Variants in HPS3 observed in about 807,000 individuals in gnomAD.
The protein encoded by HPS3 is BLOC-2 complex member HPS3.
HPS3 carries 79 observed loss-of-function variants against 110.9 expected under a neutral mutation model. The observed-to-expected ratio is 0.71, with a 90% CI of 0.59 to 0.86. HPS3 has a LOEUF of 0.86. Among genes scored for constraint, HPS3 ranks in the 40% least tolerant of loss-of-function variants. The probability of loss-of-function intolerance (pLI) is 0.00; values close to 1 mark genes in which losing one functional copy is unlikely to be tolerated. For missense variants in HPS3, 1,197 were observed against 1,206.2 expected, an observed-to-expected ratio of 0.99 and a Z score of 0.11; for synonymous variants, 428 against 451.0, an observed-to-expected ratio of 0.95 and a Z score of 0.65.
intron 5 of HPS3, among the ~76,000 whole-genome samples, chr3:149,148,559 T>C (rs891791893): frequency 1.3e-5 from 2 of 151,702 alleles, no homozygotes; most frequent in Non-Finnish European, 2.9e-5. Flanking sequence ...CCCATCACCA[T>C]GCCCGGCTAA....
chr3:149,140,718 A>G (rs868067117), intron 2 of HPS3, among the ~76,000 whole-genome samples: 4 of 152,210 alleles, frequency 2.6e-5, no homozygotes, highest in Admixed American at 1.3e-4. Context: ...AACCACTGCT[A>G]GATGAGGGGC....
chr3:149,133,731 G>A (rs1236119564), intron 1 of HPS3, among the ~76,000 whole-genome samples: 1 of 152,088 alleles, frequency 6.6e-6, no homozygotes, highest in African/African-American at 2.4e-5. Context: ...TTAAAGGCTT[G>A]GATGATCGTT....
chr3:149,143,254 C>G (rs1722590714), intron 4 of HPS3, among the ~76,000 whole-genome samples: 1 of 152,194 alleles, frequency 6.6e-6, no homozygotes. Flanking sequence ...AGTGGCCTTT[C>G]CCTCTTCCTT....
rs1178729691 is a variant in HPS3 at position 149,163,966 on chromosome 3, C to T, written c.2589+17C>T. ...AAATTACAGGTAAGTAAAAATACCT[C>T]CTTTTCTTATGAAATTGCATATTAC... On this transcript the variant is annotated intron_variant, in intron 14 of 16. Transcript: ENST00000296051. The T allele has an allele frequency of 1.7e-6, 2 of 1,203,734 alleles. No homozygotes were observed. The highest frequency in any genetic ancestry group is 2.5e-6 in the Non-Finnish European group (2 of 807,652). The allele number at this position is 1,203,734 out of a possible 1,614,324, so 74.6% of individuals were successfully genotyped here.
At chr3:149,146,004 A>T (rs1053798458) in intron 5 of HPS3, among the ~76,000 whole-genome samples, 5 of 152,172 alleles carry the variant, frequency 3.3e-5, no homozygotes, top group African/African-American at 9.7e-5. Context: ...ACAGATAGGG[A>T]AGTTGTTACA....
intron 6 of HPS3, among the ~76,000 whole-genome samples, chr3:149,152,535 A>ACCAGTTCTGAAGCCCTAGGTG (rs1409410877): frequency 1.3e-5 from 2 of 152,162 alleles, no homozygotes; most frequent in East Asian, 3.9e-4. Context: ...CTGGGACTCC[A>ACCAGTTCTGAAGCCCTAGGTG]CCAGTTCTGA....
In HPS3 at chr3:149,129,919, C is replaced by T. The variant is rs529838933; in HGVS notation, c.196C>T (p.Arg66Cys). ...CTTCTCCACGCTGGGCCGGGTGTTGCGCCTGGCCTACAGCGAGGCTGGTGA... is the reference window on the plus strand; with the variant it reads ...CTTCTCCACGCTGGGCCGGGTGTTGTGCCTGGCCTACAGCGAGGCTGGTGA... ...CAFSTLGRVL[R>C]LAYSEAGDYL... Residue 66 changes from arginine (R) to cysteine (C), a missense_variant, in exon 1 of 17, where the codon CGC (arginine) becomes TGC (cysteine). Coordinates refer to ENST00000296051, the MANE Select transcript of HPS3 (RefSeq NM_032383.5). The T allele has an allele frequency of 6.0e-5, 93 of 1,559,896 alleles. No homozygotes were observed. In the African/African-American group the frequency reaches 1.0e-3, roughly 17 times the overall value.
At chr3:149,158,581 A>G in intron 9 of HPS3, 85 bp from the exon 10 acceptor site, 1 of 1,227,954 alleles carries the variant, frequency 8.1e-7, no homozygotes, top group Non-Finnish European at 1.2e-6. Flanking sequence ...TGAGGTCAGG[A>G]GTTTGAAATC....
At chr3:149,171,399 G>A (rs997682940) in intron 16 of HPS3, among the ~76,000 whole-genome samples, 4 of 151,496 alleles carry the variant, frequency 2.6e-5, no homozygotes, top group African/African-American at 4.9e-5. Context: ...GAACTAATAC[G>A]GGAAAACATT....
chr3:149,129,997 A>G, intron 1 of HPS3, 57 bp downstream of exon 1: 2 of 1,459,128 alleles, frequency 1.4e-6, no homozygotes, highest in Non-Finnish European at 1.9e-6. Context: ...CCTCCTAGCT[A>G]GCGGACCGAA....
At chr3:149,153,918 T>C in intron 7 of HPS3, 1 of 458,786 alleles carries the variant, frequency 2.2e-6, no homozygotes, top group Non-Finnish European at 3.9e-6. Context: ...CATGCTTTTC[T>C]GTGTAATTAA....
At position 149,172,230 on chromosome 3, in the gene HPS3, A is replaced by G; in HGVS notation, c.*8A>G. On this transcript the variant is annotated 3_prime_UTR_variant, in exon 17 of 17. Coordinates refer to ENST00000296051, the MANE Select transcript of HPS3 (RefSeq NM_032383.5). Reference sequence around the variant, plus strand: ...AAGAAACCATTGACTTAAAGGTATCATTTGAAAAATACCATAATGGCATTT... The same window carrying G: ...AAGAAACCATTGACTTAAAGGTATCGTTTGAAAAATACCATAATGGCATTT... The G allele has an allele frequency of 2.5e-6, 4 of 1,609,178 alleles. No individual in the cohort carries two copies. Among genetic ancestry groups the G allele is most frequent in the South Asian group, 1.1e-5 (1 of 90,906 alleles).
chr3:149,141,130 T>TA lies in HPS3; in HGVS notation c.826_827insA (p.Ser276TyrfsTer6), dbSNP rs763914859. Reference sequence around the variant, plus strand: ...GTCTGGATTATCTGTTACACTGGAGTCTACGGGATTAGCTGATGAAAAAAG... The same window carrying TA: ...GTCTGGATTATCTGTTACACTGGAGTACTACGGGATTAGCTGATGAAAAAAG... On this transcript the variant is annotated frameshift_variant, in exon 3 of 17. Coordinates refer to ENST00000296051, the MANE Select transcript of HPS3 (RefSeq NM_032383.5). LOFTEE classifies it high-confidence loss of function. 29 of 1,613,202 alleles carry TA rather than the reference T, an allele frequency of 1.8e-5. No homozygotes were observed. In the South Asian group the frequency reaches 3.2e-4, roughly 18 times the overall value.
chr3:149,134,377 A>T (rs192329271), intron 1 of HPS3, among the ~76,000 whole-genome samples: 3,270 of 151,458 alleles, frequency 0.022, 70 homozygotes, highest in Middle Eastern at 0.058. Flanking sequence ...TGTGTGTGTG[A>T]GAGAGAGAAA....
intron 7 of HPS3, 81 bp downstream of exon 7, chr3:149,153,729 C>A: frequency 1.4e-6 from 2 of 1,400,292 alleles, no homozygotes; most frequent in Non-Finnish European, 2.0e-6. Context: ...TATCTTTTTT[C>A]AAATCATAAC....
chr3:149,129,746 A>G lies in HPS3; in HGVS notation c.23A>G (p.His8Arg), dbSNP rs1721628414. Residue 8 changes from histidine to arginine, a missense_variant, in exon 1 of 17, where the codon CAC (histidine) becomes CGC (arginine). By Grantham distance (29) the His-to-Arg change is conservative. Transcript: ENST00000296051. MVQLYNLHPFGSQQVVPC... is the reference protein window; with the variant it reads MVQLYNLRPFGSQQVVPC... Reference sequence around the variant, plus strand: ...GGGATGGTGCAGCTGTACAACCTGCACCCGTTCGGGTCGCAGCAGGTGGTG... The same window carrying G: ...GGGATGGTGCAGCTGTACAACCTGCGCCCGTTCGGGTCGCAGCAGGTGGTG... 1 of 1,604,842 alleles carries G rather than the reference A, an allele frequency of 6.2e-7. No homozygotes were observed. The highest frequency in any genetic ancestry group is 1.7e-5 in the Admixed American group (1 of 59,826).
chr3:149,169,994 A>C (rs1351533998), intron 16 of HPS3, among the ~76,000 whole-genome samples: 1 of 152,164 alleles, frequency 6.6e-6, no homozygotes. Flanking sequence ...AGAGCAAGTA[A>C]TTTTAACCTT....
intron 1 of HPS3, among the ~76,000 whole-genome samples, chr3:149,132,973 G>C (rs887458319): frequency 1.3e-5 from 2 of 152,212 alleles, no homozygotes; most frequent in African/African-American, 4.8e-5. Context: ...CTGAAGATGT[G>C]TTGGAATTCC....
intron 1 of HPS3, among the ~76,000 whole-genome samples, chr3:149,133,981 T>C (rs1480177287): frequency 4.6e-5 from 7 of 151,000 alleles, no homozygotes; most frequent in African/African-American, 1.7e-4. Context: ...ATGCCTGTGT[T>C]TTTTTTTAAA....
Sources: allele counts gnomAD v4.1 joint callset (sites outside exome capture counted in the v4.1 genomes callset), GRCh38; gene constraint gnomAD v4.1.1; transcripts MANE v1.5; gene names NCBI Gene and HGNC (gene_info 2026-07-23, HGNC 2026-07-21).